NLGN1: variants seen among roughly 807,000 people sequenced by gnomAD.
NLGN1 encodes neuroligin-1.
Under a neutral mutation model 65.5 loss-of-function variants are expected in NLGN1, and 12 were observed. The observed-to-expected ratio is 0.18, with a 90% CI of 0.12 to 0.30. The LOEUF is 0.30. NLGN1 is among the 10% of genes least tolerant of loss of function. The pLI is 1.00. For missense variants in NLGN1, 750 were observed against 1,007.1 expected (o/e 0.74, Z 3.46); for synonymous variants, 350 against 359.5 (o/e 0.97, Z 0.30).
At chr3:174,283,446 T>G (rs1044353054) in exon 7 of NLGN1, 11 of 151,442 alleles carry the variant, frequency 7.3e-5, no homozygotes, top group Non-Finnish European at 1.5e-4. Context: ...CAAGTTCCAA[T>G]TCTAGTCATC....
At chr3:174,132,365 C>G (rs73046233) in intron 4 of NLGN1, among the ~76,000 whole-genome samples, 2 of 152,056 alleles carry the variant, frequency 1.3e-5, no homozygotes, top group African/African-American at 4.8e-5. Flanking sequence ...AACCCATCTC[C>G]GAAAGGTAGG....
intron 4 of NLGN1, among the ~76,000 whole-genome samples, chr3:173,827,689 T>C (rs1475042003): frequency 1.3e-5 from 2 of 149,860 alleles, no homozygotes; most frequent in Non-Finnish European, 3.0e-5. Flanking sequence ...ACATTTATTA[T>C]GGAAATTGGC....
At chr3:173,702,579 A>G (rs1244312455) in intron 3 of NLGN1, among the ~76,000 whole-genome samples, 2 of 152,244 alleles carry the variant, frequency 1.3e-5, no homozygotes, top group South Asian at 2.1e-4. Context: ...ATTTTATTCT[A>G]TTAAAAGAAC....
intron 4 of NLGN1, among the ~76,000 whole-genome samples, chr3:173,887,988 T>C (rs1478455620): frequency 2.0e-5 from 3 of 152,052 alleles, no homozygotes; most frequent in Non-Finnish European, 4.4e-5. Flanking sequence ...CTTCTAATTA[T>C]ATCCCATTCC....
intron 4 of NLGN1, among the ~76,000 whole-genome samples, chr3:174,075,484 T>C (rs1353015346): frequency 6.6e-6 from 1 of 152,128 alleles, no homozygotes; most frequent in Non-Finnish European, 1.5e-5. Context: ...CCAGACATGA[T>C]TGAAAATGTC....
At chr3:174,062,843 G>A (rs928932946) in intron 4 of NLGN1, among the ~76,000 whole-genome samples, 10 of 151,876 alleles carry the variant, frequency 6.6e-5, no homozygotes, top group African/African-American at 2.4e-4. Context: ...TAATTTAACA[G>A]TGATTTAAAT....
intron 4 of NLGN1, among the ~76,000 whole-genome samples, chr3:174,175,425 A>G (rs1045784565): frequency 3.3e-5 from 5 of 151,544 alleles, no homozygotes; most frequent in East Asian, 1.9e-4. Context: ...CTTGAAATCT[A>G]TTTTTTCCTG....
intron 2 of NLGN1, among the ~76,000 whole-genome samples, chr3:173,483,132 A>T (rs943287634): frequency 7.2e-5 from 11 of 152,004 alleles, no homozygotes; most frequent in African/African-American, 2.2e-4. Context: ...TCTTGGTAAA[A>T]AGCTCCTCAA....
intron 2 of NLGN1, among the ~76,000 whole-genome samples, chr3:173,489,691 A>G (rs982595223): frequency 6.6e-6 from 1 of 151,964 alleles, no homozygotes; most frequent in Non-Finnish European, 1.5e-5. Context: ...ACCAGTTTAC[A>G]GTCCCACCAA....
chr3:173,629,678 C>A (rs1436854923), intron 3 of NLGN1, among the ~76,000 whole-genome samples: 1 of 151,964 alleles, frequency 6.6e-6, no homozygotes, highest in African/African-American at 2.4e-5. Flanking sequence ...TATCAAGTTT[C>A]TATTAGACAA....
chr3:173,711,400 A>G (rs950225543), intron 3 of NLGN1, among the ~76,000 whole-genome samples: 4 of 152,220 alleles, frequency 2.6e-5, no homozygotes, highest in Non-Finnish European at 5.9e-5. Context: ...GAAGTCACCA[A>G]TGAAACACAG....
intron 3 of NLGN1, among the ~76,000 whole-genome samples, chr3:173,708,092 C>T (rs1321206400): frequency 6.6e-6 from 1 of 152,188 alleles, no homozygotes; most frequent in Non-Finnish European, 1.5e-5. Context: ...TTGATCATCA[C>T]AGTTTTGCAT....
At chr3:174,176,401 AT>A (rs1484633622) in intron 4 of NLGN1, among the ~76,000 whole-genome samples, 5 of 151,908 alleles carry the variant, frequency 3.3e-5, no homozygotes, top group Admixed American at 2.6e-4. Context: ...GCAAAAAAAA[AT>A]CATCAGTGGT....
At chr3:173,738,629 A>G (rs1038251222) in intron 3 of NLGN1, among the ~76,000 whole-genome samples, 1 of 152,070 alleles carries the variant, frequency 6.6e-6, no homozygotes, top group Admixed American at 6.6e-5. Flanking sequence ...ATACCACACA[A>G]TCATGATTAC....
chr3:173,874,692 T>G (rs1021372811), intron 4 of NLGN1, among the ~76,000 whole-genome samples: 6 of 152,168 alleles, frequency 3.9e-5, no homozygotes, highest in African/African-American at 1.4e-4. Flanking sequence ...CAGACTAAAG[T>G]TAAGAATCCT....
rs1168837585 is a variant in NLGN1 at position 174,116,330 on chromosome 3, C to CTTTTTTTTTTTTTTTTTTTTTTTTTTT, written c.647-158984_647-158958dup. On this transcript the variant is annotated intron_variant, in intron 4 of 6. Transcript: ENST00000457714. ...ACATGTAAGTTTTTTTCTGGGTTTTCTTTTTTTTTTTTTTTTTTTTTTTTT... is the reference window on the plus strand; with the variant it reads ...ACATGTAAGTTTTTTTCTGGGTTTTCTTTTTTTTTTTTTTTTTTTTTTTTTTTTTTTTTTTTTTTTTTTTTTTTTTTT... 8.6e-5 allele frequency among the ~76,000 whole-genome samples: 6 copies of CTTTTTTTTTTTTTTTTTTTTTTTTTTT among 69,634 alleles called. 3 individuals carry two copies. Among genetic ancestry groups the CTTTTTTTTTTTTTTTTTTTTTTTTTTT allele is most frequent in the Admixed American group, 3.4e-4 (2 of 5,888 alleles). The allele number at this position is 69,634 out of a possible 152,430, so 45.7% of individuals were successfully genotyped here.
intron 4 of NLGN1, among the ~76,000 whole-genome samples, chr3:174,012,063 G>A (rs1221594711): frequency 6.6e-6 from 1 of 152,146 alleles, no homozygotes; most frequent in Non-Finnish European, 1.5e-5. Context: ...GCAGTCTAAT[G>A]TAAGCTCAGA....
rs531771001 is a variant in NLGN1 at position 173,805,296 on chromosome 3, A to G, written c.494-2384A>G. Among the ~76,000 whole-genome samples the G allele has an allele frequency of 1.2e-4, 19 of 152,322 alleles. No individual in the cohort carries two copies. The South Asian group carries it at 3.7e-3, about 30-fold the overall frequency. The stretch of plus-strand genomic sequence containing the variant: ...AAAATATTTTTCAGAACACAGCATA[A>G]GAATACTAGAGAACTTTATGGAAAA... On this transcript the variant is annotated intron_variant, in intron 3 of 6. Transcript: ENST00000457714.
chr3:173,987,165 T>A (rs1374569658), intron 4 of NLGN1, among the ~76,000 whole-genome samples: 1 of 152,220 alleles, frequency 6.6e-6, no homozygotes, highest in Non-Finnish European at 1.5e-5. Context: ...CTGAAATTAC[T>A]GCTACCATTA....
Sources: allele counts gnomAD v4.1 joint callset (sites outside exome capture counted in the v4.1 genomes callset), GRCh38; gene constraint gnomAD v4.1.1; transcripts MANE v1.5; gene names NCBI Gene and HGNC (gene_info 2026-07-23, HGNC 2026-07-21).